The following DMD variants were observed in gnomAD, a reference collection of about 807,000 sequenced individuals.
The protein encoded by DMD is mutant dystrophin.
DMD carries 63 observed loss-of-function variants against 330.1 expected under a neutral mutation model. The observed-to-expected ratio is 0.19, with a 90% CI of 0.16 to 0.24. The LOEUF is 0.24. DMD is among the 10% of genes least tolerant of loss of function. The pLI, the probability that DMD is intolerant of heterozygous loss-of-function variation, is 1.00. For synonymous variants in DMD, 1,223 were observed against 959.8 expected (o/e 1.27, Z -5.07); for missense variants, 3,344 against 2,684.1 (o/e 1.25, Z -5.43).
At chrX:32,488,381 C>T (rs764618455) in intron 20 of DMD, among the ~76,000 whole-genome samples, 15 of 110,815 alleles carry the variant, frequency 1.4e-4, no homozygotes, top group African/African-American at 4.9e-4. Context: ...CTCTCTAACC[C>T]CCACAATATT....
At chrX:31,436,127 C>T (rs1457581836) in intron 60 of DMD, among the ~76,000 whole-genome samples, 1 of 110,620 alleles carries the variant, frequency 9.0e-6, no homozygotes, top group Non-Finnish European at 1.9e-5. Flanking sequence ...AACACATTTA[C>T]TAGGAACACA....
At chrX:31,465,645 G>A (rs2066807787) in intron 59 of DMD, among the ~76,000 whole-genome samples, 1 of 111,802 alleles carries the variant, frequency 8.9e-6, no homozygotes, top group South Asian at 3.7e-4. Context: ...TTGCTATTGT[G>A]AACAGTGCTG....
At chrX:31,314,756 G>GAA (rs2055856583) in intron 62 of DMD, among the ~76,000 whole-genome samples, 3 of 104,705 alleles carry the variant, frequency 2.9e-5, no homozygotes, top group Non-Finnish European at 5.9e-5. Context: ...GAGAGAGAGA[G>GAA]AGAGAGAGAG....
intron 54 of DMD, among the ~76,000 whole-genome samples, chrX:31,631,111 C>T (rs902716848): frequency 9.0e-6 from 1 of 111,432 alleles, no homozygotes; most frequent in African/African-American, 3.3e-5. Context: ...AATTCCCAGG[C>T]CTCAGCCTAG....
At chrX:32,330,731 G>A (rs1027508996) in intron 41 of DMD, among the ~76,000 whole-genome samples, 3 of 110,462 alleles carry the variant, frequency 2.7e-5, no homozygotes, top group African/African-American at 9.9e-5. Flanking sequence ...TTTACGTTTT[G>A]TGTTGTCTGG....
chrX:32,979,587 T>C (rs2092647654), intron 2 of DMD, among the ~76,000 whole-genome samples: 1 of 111,524 alleles, frequency 9.0e-6, no homozygotes, highest in South Asian at 3.7e-4. Context: ...GTGAAAATAC[T>C]GAAAGATGTA....
chrX:33,202,911 C>T (rs1477072156), intron 1 of DMD, among the ~76,000 whole-genome samples: 1 of 111,369 alleles, frequency 9.0e-6, no homozygotes, highest in African/African-American at 3.3e-5. Flanking sequence ...AATTAAAAAC[C>T]TAATGTTAAA....
chrX:31,329,643 T>C (rs1346854658), intron 61 of DMD, among the ~76,000 whole-genome samples: 3 of 111,048 alleles, frequency 2.7e-5, no homozygotes, highest in African/African-American at 9.8e-5. Context: ...TAGTTAACAA[T>C]ACTGTGTAGT....
intron 12 of DMD, among the ~76,000 whole-genome samples, chrX:32,612,651 A>G (rs894339588): frequency 3.6e-5 from 4 of 111,400 alleles, no homozygotes; most frequent in Admixed American, 1.9e-4. Flanking sequence ...AATGTGCCAC[A>G]TCGGAAAAGC....
At position 31,875,067 on chromosome X, in the gene DMD, T is replaced by G. The variant is rs2093947498; in HGVS notation, c.7098+121A>C. The G allele has an allele frequency of 9.2e-6, 6 of 652,480 alleles. No homozygotes were observed. In the East Asian group the frequency reaches 2.1e-4, roughly 23 times the overall value. 53.8% of individuals were successfully genotyped at this position (652,480 alleles called of 1,213,427 possible). A position where few individuals can be genotyped will look rare whatever the true frequency, so the allele number is the denominator to read the frequency against. On this transcript the variant is annotated intron_variant, in intron 48 of 78. Coordinates refer to ENST00000357033, the MANE Select transcript of DMD (RefSeq NM_004006.3). Reference sequence around the variant, plus strand: ...ATTGTGGTTATCCTGAATAAAGTCTTCCTTACCACACTTTAACAAGTAATA... The same window carrying G: ...ATTGTGGTTATCCTGAATAAAGTCTGCCTTACCACACTTTAACAAGTAATA...
At chrX:31,650,909 G>A (rs188314583) in intron 54 of DMD, among the ~76,000 whole-genome samples, 204 of 111,768 alleles carry the variant, frequency 1.8e-3, no homozygotes, top group African/African-American at 4.6e-3. Context: ...TCAAATGAGC[G>A]TAAAGACTTG....
chrX:32,703,006 T>G (rs1370591781), intron 7 of DMD, among the ~76,000 whole-genome samples: 1 of 111,363 alleles, frequency 9.0e-6, no homozygotes, highest in Admixed American at 9.6e-5. Flanking sequence ...AACAATTAGT[T>G]CCTCCATGAT....
At chrX:33,154,184 G>A (rs1399688999) in intron 1 of DMD, among the ~76,000 whole-genome samples, 2 of 111,161 alleles carry the variant, frequency 1.8e-5, no homozygotes, top group African/African-American at 6.5e-5. Flanking sequence ...ATCATTTGAG[G>A]TCAGGAGATG....
At chrX:31,973,868 T>G (rs2095417341) in intron 44 of DMD, among the ~76,000 whole-genome samples, 1 of 111,376 alleles carries the variant, frequency 9.0e-6, no homozygotes, top group African/African-American at 3.3e-5. Flanking sequence ...GAACAGAAAA[T>G]ACATCTCTAA....
chrX:33,152,461 A>C (rs556060430), intron 1 of DMD, among the ~76,000 whole-genome samples: 1 of 110,960 alleles, frequency 9.0e-6, no homozygotes, highest in African/African-American at 3.3e-5. Context: ...AGTGTGAGCC[A>C]CTGTACCTGG....
chrX:32,135,341 G>T (rs1650064195), intron 44 of DMD, among the ~76,000 whole-genome samples: 1 of 112,730 alleles, frequency 8.9e-6, no homozygotes, highest in Admixed American at 9.4e-5. Context: ...AGGTGTGTTT[G>T]AAAATTCATG....
At chrX:31,890,407 G>C (rs939785742) in intron 47 of DMD, among the ~76,000 whole-genome samples, 7 of 108,198 alleles carry the variant, frequency 6.5e-5, no homozygotes, top group Admixed American at 2.0e-4. Context: ...GAAAAACAAA[G>C]CAATTTATCA....
intron 55 of DMD, among the ~76,000 whole-genome samples, chrX:31,550,639 T>C (rs2074419476): frequency 8.9e-6 from 1 of 112,460 alleles, no homozygotes; most frequent in Admixed American, 9.4e-5. Flanking sequence ...CCAATTTATT[T>C]CCAATTTATA....
At chrX:31,450,193 C>A (rs1454153510) in intron 59 of DMD, among the ~76,000 whole-genome samples, 2 of 111,489 alleles carry the variant, frequency 1.8e-5, no homozygotes, top group Non-Finnish European at 1.9e-5. Flanking sequence ...CAAGGATGAG[C>A]AATTAGAAAT....
Sources: allele counts gnomAD v4.1 joint callset (sites outside exome capture counted in the v4.1 genomes callset), GRCh38; gene constraint gnomAD v4.1.1; transcripts MANE v1.5; gene names NCBI Gene and HGNC (gene_info 2026-07-23, HGNC 2026-07-21).